Variants in SSBP2 observed in about 807,000 individuals in gnomAD.
The protein encoded by SSBP2 is single-stranded DNA-binding protein 2.
SSBP2 carries 17 observed loss-of-function variants against 61.8 expected under a neutral mutation model. The observed-to-expected ratio is 0.28, with a 90% CI of 0.19 to 0.41. The LOEUF (loss-of-function observed/expected upper bound fraction) is 0.41. Ranked by LOEUF, SSBP2 falls within the 10% of genes least tolerant of loss-of-function variation. The pLI, the probability that SSBP2 is intolerant of heterozygous loss-of-function variation, is 1.00. For missense variants in SSBP2, 310 were observed against 458.7 expected (o/e 0.68, Z 2.96); for synonymous variants, 139 against 141.3 (o/e 0.98, Z 0.12).
In SSBP2 at chr5:81,599,113, T is replaced by A. The variant is rs985532678; in HGVS notation, c.282+16360A>T. Among the ~76,000 whole-genome samples the A allele has an allele frequency of 2.6e-5, 4 of 152,270 alleles. No individual in the cohort carries two copies. The South Asian group carries it at 8.3e-4, about 32-fold the overall frequency. ...AGCAGAATTGGCATTTGGGGATGTA[T>A]AGCAAAAGGACTACCTGATAAGTGA... On this transcript the variant is annotated intron_variant, in intron 4 of 16. Coordinates refer to ENST00000320672, the MANE Select transcript of SSBP2 (RefSeq NM_012446.5).
chr5:81,635,416 G>T (rs1748120260), intron 3 of SSBP2, among the ~76,000 whole-genome samples: 1 of 152,002 alleles, frequency 6.6e-6, no homozygotes, highest in Non-Finnish European at 1.5e-5. Flanking sequence ...GAACAAGATT[G>T]ACCTATTACA....
chr5:81,457,259 T>A lies in SSBP2; in HGVS notation c.687+3796A>T, dbSNP rs191121536. 2.1e-3 allele frequency among the ~76,000 whole-genome samples: 314 copies of A among 152,094 alleles called. 2 individuals are homozygous for A. Among genetic ancestry groups the A allele is most frequent in the Middle Eastern group, 3.4e-3 (1 of 294 alleles). ...GGGAAAACTTTGAACAATTTTAGCA[T>A]CCTAAACCCACAGAATAAAATAATT... On this transcript the variant is annotated intron_variant, in intron 10 of 16. Coordinates refer to ENST00000320672, the MANE Select transcript of SSBP2 (RefSeq NM_012446.5).
intron 6 of SSBP2, among the ~76,000 whole-genome samples, chr5:81,484,851 T>G (rs1274211066): frequency 6.6e-6 from 1 of 152,152 alleles, no homozygotes; most frequent in Non-Finnish European, 1.5e-5. Context: ...GAATACCAAA[T>G]TCAACTTTAG....
intron 5 of SSBP2, among the ~76,000 whole-genome samples, chr5:81,497,057 A>T (rs193286567): frequency 1.3e-5 from 2 of 152,370 alleles, no homozygotes; most frequent in East Asian, 3.9e-4. Context: ...CACATAAAGC[A>T]CCAATTAGCA....
intron 5 of SSBP2, among the ~76,000 whole-genome samples, chr5:81,505,952 A>G (rs1398591547): frequency 6.6e-6 from 1 of 151,844 alleles, no homozygotes; most frequent in African/African-American, 2.4e-5. Context: ...AATACCTGAC[A>G]CTCCCTTCTT....
At chr5:81,466,769 T>A (rs1052570170) in intron 9 of SSBP2, among the ~76,000 whole-genome samples, 1 of 151,998 alleles carries the variant, frequency 6.6e-6, no homozygotes, top group Admixed American at 6.6e-5. Context: ...GAGATTATGT[T>A]GTGAAAATGA....
At chr5:81,555,690 A>G (rs1240465811) in intron 4 of SSBP2, among the ~76,000 whole-genome samples, 1 of 152,142 alleles carries the variant, frequency 6.6e-6, no homozygotes, top group Admixed American at 6.6e-5. Context: ...GTAAGAAAAT[A>G]AAAATCAAAT....
chr5:81,739,164 CAAAAAA>C (rs71000859), intron 1 of SSBP2, among the ~76,000 whole-genome samples: 54 of 51,090 alleles, frequency 1.1e-3, no homozygotes, highest in African/African-American at 3.1e-3. Flanking sequence ...ACTCCATCTC[CAAAAAA>C]AAAAAAAAAA....
chr5:81,554,069 G>C (rs1177815308), intron 4 of SSBP2, among the ~76,000 whole-genome samples: 5 of 152,088 alleles, frequency 3.3e-5, no homozygotes, highest in African/African-American at 1.2e-4. Context: ...TAAAAAAAGA[G>C]AGTGCTTGCA....
At chr5:81,690,522 AAAG>A (rs1753125054) in intron 1 of SSBP2, among the ~76,000 whole-genome samples, 1 of 152,164 alleles carries the variant, frequency 6.6e-6, no homozygotes, top group Non-Finnish European at 1.5e-5. Context: ...TCAATTCAGC[AAAG>A]AATATAACAA....
intron 4 of SSBP2, among the ~76,000 whole-genome samples, chr5:81,612,605 T>A (rs1240030943): frequency 2.0e-5 from 3 of 152,078 alleles, no homozygotes. Context: ...AGTTTATGTG[T>A]CAATATTCAT....
intron 6 of SSBP2, among the ~76,000 whole-genome samples, chr5:81,475,653 G>A (rs781571502): frequency 6.6e-6 from 1 of 151,420 alleles, no homozygotes; most frequent in African/African-American, 2.4e-5. Context: ...ATGTTTAAAT[G>A]CCAACCACTA....
chr5:81,540,075 T>C (rs533086683), intron 4 of SSBP2, among the ~76,000 whole-genome samples: 2 of 152,284 alleles, frequency 1.3e-5, no homozygotes, highest in African/African-American at 4.8e-5. Context: ...CATGAACTCA[T>C]CCTTTTTTAT....
chr5:81,581,849 T>C (rs1401679290), intron 4 of SSBP2, among the ~76,000 whole-genome samples: 1 of 152,184 alleles, frequency 6.6e-6, no homozygotes, highest in Non-Finnish European at 1.5e-5. Flanking sequence ...AATGTCTTGA[T>C]TGGTTCAAAC....
In SSBP2 at chr5:81,414,718, T is replaced by C. The variant is rs1249953598; in HGVS notation, c.*5786A>G. 1 of 152,222 alleles carries C rather than the reference T, an allele frequency of 6.6e-6. No individual in the cohort carries two copies. Among genetic ancestry groups the C allele is most frequent in the Non-Finnish European group, 1.5e-5 (1 of 68,040 alleles). 9.4% of individuals were successfully genotyped at this position (152,222 alleles called of 1,614,324 possible). ...AAGGCCTAATGTGGACAAGCTAACA[T>C]GGGTGTGCTAAACCTACGCACAGGA... is the stretch of plus-strand genomic sequence containing the variant. On this transcript the variant is annotated 3_prime_UTR_variant, in exon 17 of 17. Transcript: ENST00000320672.
At chr5:81,687,889 CAG>C (rs1402274356) in intron 1 of SSBP2, among the ~76,000 whole-genome samples, 1 of 152,130 alleles carries the variant, frequency 6.6e-6, no homozygotes, top group Non-Finnish European at 1.5e-5. Context: ...GGGTAAGACT[CAG>C]AGATGTGCTG....
At chr5:81,602,209 G>A (rs1744432960) in intron 4 of SSBP2, among the ~76,000 whole-genome samples, 1 of 152,216 alleles carries the variant, frequency 6.6e-6, no homozygotes, top group Admixed American at 6.5e-5. Flanking sequence ...GAAGTTCAGG[G>A]ATCCAAGAGC....
At chr5:81,517,778 T>C (rs1769147103) in intron 4 of SSBP2, among the ~76,000 whole-genome samples, 1 of 152,052 alleles carries the variant, frequency 6.6e-6, no homozygotes, top group Non-Finnish European at 1.5e-5. Context: ...TTTTCTGAAT[T>C]TCAAGAACAG....
intron 4 of SSBP2, among the ~76,000 whole-genome samples, chr5:81,613,678 C>T (rs2153598365): frequency 6.6e-6 from 1 of 152,332 alleles, no homozygotes; most frequent in African/African-American, 2.4e-5. Flanking sequence ...CTGGCACTCT[C>T]TAATGCCATC....
Sources: allele counts gnomAD v4.1 joint callset (sites outside exome capture counted in the v4.1 genomes callset), GRCh38; gene constraint gnomAD v4.1.1; transcripts MANE v1.5; gene names NCBI Gene and HGNC (gene_info 2026-07-23, HGNC 2026-07-21).